TRAPPC10: variants seen among roughly 807,000 people sequenced by gnomAD.
TRAPPC10 encodes TRAPP 130 kDa subunit.
A neutral mutation model predicts 125.5 loss-of-function variants in TRAPPC10; 23 were observed. The ratio of observed to expected loss-of-function variants is 0.18; its 90% CI spans 0.13 to 0.26. TRAPPC10 has a LOEUF of 0.26. Ranked by LOEUF, TRAPPC10 falls within the 10% of genes least tolerant of loss-of-function variation. The probability of loss-of-function intolerance (pLI) is 1.00; values close to 1 mark genes in which losing one functional copy is unlikely to be tolerated. For synonymous variants in TRAPPC10, 509 were observed against 518.0 expected, an observed-to-expected ratio of 0.98 and a Z score of 0.24; for missense variants, 1,123 against 1,308.4, an observed-to-expected ratio of 0.86 and a Z score of 2.19.
chr21:44,062,506 G>T, intron 6 of TRAPPC10: 3 of 983,054 alleles, frequency 3.1e-6, no homozygotes, highest in Non-Finnish European at 3.6e-6. Flanking sequence ...ACAGAGGCCT[G>T]ACTGAAATGT....
chr21:44,031,980 G>A (rs1176996835), intron 1 of TRAPPC10, 111 bp from the exon 2 acceptor site: 11 of 841,664 alleles, frequency 1.3e-5, no homozygotes, highest in African/African-American at 3.4e-5. Flanking sequence ...TTGCGATATC[G>A]CTTTACTAAA....
At chr21:44,074,018 AT>A (rs1431084778) in intron 7 of TRAPPC10, among the ~76,000 whole-genome samples, 1 of 151,998 alleles carries the variant, frequency 6.6e-6, no homozygotes, top group Non-Finnish European at 1.5e-5. Flanking sequence ...TATTTTTCAG[AT>A]CTAGACCTGC....
At chr21:44,045,838 G>C (rs1186307783) in intron 3 of TRAPPC10, among the ~76,000 whole-genome samples, 2 of 152,134 alleles carry the variant, frequency 1.3e-5, no homozygotes, top group Non-Finnish European at 2.9e-5. Flanking sequence ...TTACAGGCGT[G>C]AGCCACCGCA....
intron 20 of TRAPPC10, among the ~76,000 whole-genome samples, chr21:44,095,403 G>A (rs763372737): frequency 1.9e-4 from 29 of 151,500 alleles, no homozygotes; most frequent in Non-Finnish European, 3.8e-4. Context: ...GCACCACCAC[G>A]CCTGGCTAAT....
Position 44,094,127 on chromosome 21 carries a change from C to T in TRAPPC10, c.3062C>T (p.Pro1021Leu), listed in dbSNP as rs746227586. 3 of 1,614,120 alleles carry T rather than the reference C, an allele frequency of 1.9e-6. No homozygotes were observed. The highest frequency in any genetic ancestry group is 2.7e-5 in the African/African-American group (2 of 74,946). ...WELKWTEEPP[P>L]SLHCRFSVGF... ...CTCAAGTGGACAGAAGAGCCTCCCCCTTCTCTGCATTGCCGGTTCTCTGTT... is the reference window on the plus strand; with the variant it reads ...CTCAAGTGGACAGAAGAGCCTCCCCTTTCTCTGCATTGCCGGTTCTCTGTT... The change falls in exon 20 of 23, where the codon CCT becomes CTT. Residue 1021 changes from proline (P) to leucine (L), a missense_variant. By Grantham distance (98) the Pro-to-Leu change is moderately conservative. This residue lies in a region of TRAPPC10 where 840 missense variants were observed against 902.0 expected (regional missense o/e 0.93). Coordinates refer to ENST00000291574, the MANE Select transcript of TRAPPC10 (RefSeq NM_003274.5).
At chr21:44,067,772 G>A (rs1260408703) in intron 7 of TRAPPC10, among the ~76,000 whole-genome samples, 3 of 152,072 alleles carry the variant, frequency 2.0e-5, no homozygotes, top group Non-Finnish European at 4.4e-5. Flanking sequence ...ATTTGCAGGT[G>A]CCTGATAGGT....
chr21:44,094,459 T>TA (rs1419867802), intron 20 of TRAPPC10, among the ~76,000 whole-genome samples: 1 of 152,218 alleles, frequency 6.6e-6, no homozygotes, highest in East Asian at 1.9e-4. Context: ...GGGGCATCTC[T>TA]AAGAGGAGTG....
intron 13 of TRAPPC10, among the ~76,000 whole-genome samples, chr21:44,081,017 C>CTTT (rs67865929): frequency 7.2e-5 from 7 of 97,196 alleles, no homozygotes; most frequent in Non-Finnish European, 1.4e-4. Context: ...TTTTTTTTTT[C>CTTT]TTTTTTTTTT....
chr21:44,085,439 G>T (rs2038058900), intron 15 of TRAPPC10, among the ~76,000 whole-genome samples: 1 of 152,174 alleles, frequency 6.6e-6, no homozygotes, highest in South Asian at 2.1e-4. Context: ...TCTATACTCA[G>T]ATCCCAGCAC....
At chr21:44,012,653 G>A in intron 1 of TRAPPC10, 93 bp downstream of exon 1, 2 of 1,164,578 alleles carry the variant, frequency 1.7e-6, no homozygotes, top group Admixed American at 2.3e-5. Context: ...TTCAGCCCCC[G>A]GCGCGCTCCG....
intron 7 of TRAPPC10, among the ~76,000 whole-genome samples, chr21:44,069,042 G>A (rs1601737719): frequency 1.3e-5 from 2 of 152,124 alleles, no homozygotes; most frequent in East Asian, 3.9e-4. Context: ...ATCTAAACAT[G>A]AAAAATAAAA....
intron 7 of TRAPPC10, among the ~76,000 whole-genome samples, chr21:44,068,482 C>A (rs972889230): frequency 1.3e-5 from 2 of 152,064 alleles, no homozygotes; most frequent in African/African-American, 4.8e-5. Context: ...AGTAGGGAGC[C>A]ATGAAAGGTT....
At position 44,083,439 on chromosome 21, in the gene TRAPPC10, A is replaced by G. The variant is rs185277979; in HGVS notation, c.2238+137A>G. ...ACCCTGTTTTTGTCTCTGTCCTTAT[A>G]CAAAAATACACTGATGTTTTCTTTC... is the stretch of plus-strand genomic sequence containing the variant. On this transcript the variant is annotated intron_variant, in intron 14 of 22. Coordinates refer to ENST00000291574, the MANE Select transcript of TRAPPC10 (RefSeq NM_003274.5). 32 of 894,854 alleles carry G rather than the reference A, an allele frequency of 3.6e-5. No homozygotes were observed. The African/African-American group carries it at 5.4e-4, about 15-fold the overall frequency. The allele number at this position is 894,854 out of a possible 1,614,324, so 55.4% of individuals were successfully genotyped here. A position where few individuals can be genotyped will look rare whatever the true frequency, so the allele number is the denominator to read the frequency against.
At chr21:44,079,454 C>T in intron 11 of TRAPPC10, 110 bp from the exon 12 acceptor site, 1 of 1,269,422 alleles carries the variant, frequency 7.9e-7, no homozygotes, top group Non-Finnish European at 1.1e-6. Flanking sequence ...GATGTTGAGT[C>T]TGTCCTGGCA....
At chr21:44,086,185 C>G (rs140872308) in intron 15 of TRAPPC10, among the ~76,000 whole-genome samples, 22 of 152,220 alleles carry the variant, frequency 1.4e-4, no homozygotes, top group Admixed American at 1.4e-3. Flanking sequence ...TGGCCTGGCT[C>G]CTGCTTCCTG....
chr21:44,081,096 G>A (rs1161319052), intron 13 of TRAPPC10, among the ~76,000 whole-genome samples: 1 of 139,308 alleles, frequency 7.2e-6, no homozygotes, highest in Non-Finnish European at 1.5e-5. Flanking sequence ...GCTCACTGTA[G>A]CCTCAACCTT....
chr21:44,081,180 T>C (rs2037712430), intron 13 of TRAPPC10, among the ~76,000 whole-genome samples: 1 of 151,994 alleles, frequency 6.6e-6, no homozygotes, highest in African/African-American at 2.4e-5. Context: ...CACACCCAGC[T>C]ATTTTTTTTC....
intron 8 of TRAPPC10, 108 bp downstream of exon 8, chr21:44,074,578 A>T (rs1248878290): frequency 6.9e-7 from 1 of 1,446,338 alleles, no homozygotes; most frequent in East Asian, 2.4e-5. Context: ...TTAGATCACG[A>T]TGCATCCACT....
rs375974291 is a variant in TRAPPC10, at chr21:44,084,146, C to T, written c.2263C>T (p.Leu755Phe). 3 of 1,614,246 alleles carry T rather than the reference C, an allele frequency of 1.9e-6. No homozygotes were observed. The highest frequency in any genetic ancestry group is 2.2e-5 in the South Asian group (2 of 91,084). The stretch of plus-strand genomic sequence containing the variant: ...GGCCAAGGAACCTGGAACGTATACA[C>T]TCAGGCAGCTGTGCGCCTCGGTGGG... ...TQAKEPGTYT[L>F]RQLCASVGSV... is the part of the protein sequence containing the mutation. The change falls in exon 15 of 23, where the codon CTC (leucine) becomes TTC (phenylalanine). Residue 755 changes from leucine (L) to phenylalanine (F), a missense_variant. By Grantham distance (22) the Leu-to-Phe change is conservative. Transcript: ENST00000291574.
Sources: gnomAD v4.1 joint callset for allele counts (sites outside exome capture counted in the v4.1 genomes callset) on GRCh38, gnomAD v4.1.1 for gene constraint, gnomAD v4.1.1 regional missense constraint, MANE v1.5 for transcripts, NCBI Gene and HGNC (gene_info 2026-07-23, HGNC 2026-07-21) for gene names.